SNRPG: variants seen among roughly 807,000 people sequenced by gnomAD.
SNRPG encodes small nuclear ribonucleoprotein polypeptide G, also known as small nuclear ribonucleoprotein G.
Under a neutral mutation model 13.9 loss-of-function variants are expected in SNRPG, and 3 were observed. That is an observed-to-expected ratio of 0.22 (90% CI 0.10 to 0.56). The LOEUF (loss-of-function observed/expected upper bound fraction) is 0.56, where lower values mean the gene tolerates loss of function less well. SNRPG is among the 20% of genes least tolerant of loss of function. SNRPG has a pLI of 0.93. For missense variants in SNRPG, 34 were observed against 96.1 expected (o/e 0.35, Z 2.70); for synonymous variants, 29 against 29.3 (o/e 0.99, Z 0.03).
At chr2:70,293,478 G>C (rs1697158952) in intron 1 of SNRPG, 140 bp downstream of exon 1, 1 of 825,486 alleles carries the variant, frequency 1.2e-6, no homozygotes. Flanking sequence ...GCGGGAGCCT[G>C]GCCGGGATCC....
intron 3 of SNRPG, among the ~76,000 whole-genome samples, chr2:70,286,459 T>C (rs1485612017): frequency 6.6e-6 from 1 of 152,124 alleles, no homozygotes; most frequent in African/African-American, 2.4e-5. Flanking sequence ...TGATGTGTTA[T>C]TATTTCTTTT....
In SNRPG at chr2:70,293,347, C is replaced by G. The variant is rs79192461; in HGVS notation, c.32+271G>C. The stretch of plus-strand genomic sequence containing the variant: ...GAGATCTTCAAGGAACGAGGGACAG[C>G]GCCGGGTGACCAGGGGCCAGACCGC... On this transcript the variant is annotated intron_variant, in intron 1 of 3. Transcript: ENST00000272348. 5.6e-4 allele frequency: 355 copies of G among 633,728 alleles called. 2 individuals carry two copies. The African/African-American group carries it at 5.7e-3, about 10-fold the overall frequency. The allele number at this position is 633,728 out of a possible 1,614,324, so 39.3% of individuals were successfully genotyped here.
chr2:70,290,408 T>C (rs767631236), intron 1 of SNRPG, among the ~76,000 whole-genome samples: 3 of 152,072 alleles, frequency 2.0e-5, no homozygotes, highest in Non-Finnish European at 4.4e-5. Flanking sequence ...CTTCAAACGA[T>C]ATGAATTAAA....
chr2:70,287,154 T>C (rs1239871301), intron 3 of SNRPG: 2 of 592,814 alleles, frequency 3.4e-6, no homozygotes, highest in African/African-American at 3.8e-5. Context: ...AAGAATGGTA[T>C]GTAAAAAAAT....
intron 1 of SNRPG, 186 bp downstream of exon 1, chr2:70,293,432 G>A (rs1485072368): frequency 3.0e-6 from 2 of 675,136 alleles, no homozygotes; most frequent in Non-Finnish European, 5.4e-6. Context: ...TAACCACACC[G>A]ACGCGCGAGC....
At chr2:70,281,761 C>A in intron 3 of SNRPG, 77 bp from the exon 4 acceptor site, 7 of 795,108 alleles carry the variant, frequency 8.8e-6, no homozygotes, top group East Asian at 2.7e-5. Context: ...GAATTTTCAC[C>A]AAATCATTAA....
At chr2:70,292,435 C>T (rs1697123600) in intron 1 of SNRPG, among the ~76,000 whole-genome samples, 3 of 152,194 alleles carry the variant, frequency 2.0e-5, no homozygotes, top group African/African-American at 7.2e-5. Context: ...GCAACCTCCG[C>T]TTCCCGGGTT....
At chr2:70,293,581 A>C in intron 1 of SNRPG, 37 bp downstream of exon 1, 1 of 1,589,836 alleles carries the variant, frequency 6.3e-7, no homozygotes, top group Non-Finnish European at 8.6e-7. Context: ...GGACGCAAAT[A>C]ACTGACCACT....
chr2:70,287,344 G>T (rs1696968126), intron 3 of SNRPG: 1 of 702,608 alleles, frequency 1.4e-6, no homozygotes, highest in Non-Finnish European at 2.6e-6. Context: ...AAGAACTTTG[G>T]GCTTACCGCT....
chr2:70,287,390 G>T (rs1316327220), intron 3 of SNRPG: 1 of 694,524 alleles, frequency 1.4e-6, no homozygotes, highest in Non-Finnish European at 2.6e-6. Context: ...GACAAAGAGG[G>T]ACTCAAAGTC....
intron 3 of SNRPG, among the ~76,000 whole-genome samples, chr2:70,284,491 CT>C (rs1231861725): frequency 6.6e-6 from 1 of 152,116 alleles, no homozygotes; most frequent in Non-Finnish European, 1.5e-5. Flanking sequence ...TCAAGTGATC[CT>C]CCCACTTCAG....
At chr2:70,285,181 A>G (rs72841171) in intron 3 of SNRPG, among the ~76,000 whole-genome samples, 9,435 of 152,318 alleles carry the variant, frequency 0.062, 361 homozygotes, top group East Asian at 0.18. Context: ...GAAAAGGTAC[A>G]AGTTCTTGAC....
At chr2:70,284,367 A>G (rs562995635) in intron 3 of SNRPG, among the ~76,000 whole-genome samples, 1 of 152,126 alleles carries the variant, frequency 6.6e-6, no homozygotes, top group Non-Finnish European at 1.5e-5. Flanking sequence ...CCTAGTTATC[A>G]GAATTTTATT....
intron 3 of SNRPG, among the ~76,000 whole-genome samples, chr2:70,284,496 A>G (rs1696892330): frequency 6.6e-6 from 1 of 152,012 alleles, no homozygotes; most frequent in Admixed American, 6.6e-5. Flanking sequence ...TGATCCTCCC[A>G]CTTCAGCCTC....
intron 1 of SNRPG, chr2:70,293,001 C>T (rs1427132849): frequency 3.3e-6 from 2 of 611,190 alleles, no homozygotes; most frequent in African/African-American, 3.7e-5. Context: ...CCTTCTCTGA[C>T]TAGAAAAAAT....
intron 1 of SNRPG, among the ~76,000 whole-genome samples, chr2:70,292,159 G>A (rs111941293): frequency 0.062 from 9,422 of 152,066 alleles, 366 homozygotes; most frequent in East Asian, 0.18. Flanking sequence ...TTTTAGCCAT[G>A]ATGATCTCCA....
At chr2:70,281,989 G>A (rs947725806) in intron 3 of SNRPG, among the ~76,000 whole-genome samples, 2 of 151,904 alleles carry the variant, frequency 1.3e-5, no homozygotes, top group Non-Finnish European at 2.9e-5. Context: ...GCGCAATCTC[G>A]GCTCACTGCA....
intron 1 of SNRPG, 128 bp downstream of exon 1, chr2:70,293,490 G>C (rs922218370): frequency 5.7e-6 from 5 of 884,578 alleles, no homozygotes; most frequent in South Asian, 1.3e-5. Context: ...CCGGGATCCC[G>C]GCGACCTCGG....
intron 3 of SNRPG, chr2:70,287,861 A>G (rs1340439273): frequency 3.5e-6 from 2 of 579,600 alleles, no homozygotes; most frequent in Non-Finnish European, 6.1e-6. Flanking sequence ...AAGCGCTAGG[A>G]CCTTAGGTTC....
Sources: allele counts gnomAD v4.1 joint callset (sites outside exome capture counted in the v4.1 genomes callset), GRCh38; gene constraint gnomAD v4.1.1; transcripts MANE v1.5; gene names NCBI Gene and HGNC (gene_info 2026-07-23, HGNC 2026-07-21).